The following APLP1 variants were observed in gnomAD, a reference collection of about 807,000 sequenced individuals.
APLP1 encodes the protein amyloid beta (A4) precursor-like protein 1.
In APLP1, 46 loss-of-function variants were observed where a neutral mutation model predicts 84.5. The ratio of observed to expected loss-of-function variants is 0.54; its 90% CI spans 0.43 to 0.70. The LOEUF (loss-of-function observed/expected upper bound fraction) is 0.70. Ranked by LOEUF, APLP1 falls within the 30% of genes least tolerant of loss-of-function variation. The pLI, the probability that APLP1 is intolerant of heterozygous loss-of-function variation, is 0.00. For missense variants in APLP1, 826 were observed against 900.2 expected (o/e 0.92, Z 1.05); for synonymous variants, 376 against 364.0 (o/e 1.03, Z -0.38).
rs776321236 is a variant in APLP1 at position 35,871,617 on chromosome 19, C to T, written c.543C>T (p.Cys181=). ...TRRHQEAQEA[C]SSQGLILHGS... is the part of the protein sequence containing the mutation. ...TGGGCCCACTCTTCCTACAGGCCTGCAGCTCCCAGGGCCTCATCCTGCACG... is the reference window on the plus strand; with the variant it reads ...TGGGCCCACTCTTCCTACAGGCCTGTAGCTCCCAGGGCCTCATCCTGCACG... Residue 181 remains cysteine (C), a synonymous_variant, in exon 5 of 17, where the codon TGC becomes TGT. Transcript: ENST00000221891. 11 of 1,613,882 alleles carry T rather than the reference C, an allele frequency of 6.8e-6. No individual in the cohort carries two copies. The East Asian group carries it at 2.0e-4, about 29-fold the overall frequency.
chr19:35,872,319 A>G (rs1974174497), intron 6 of APLP1, among the ~76,000 whole-genome samples, 164 bp from the exon 7 acceptor site: 1 of 152,076 alleles, frequency 6.6e-6, no homozygotes, highest in African/African-American at 2.4e-5. Context: ...CTTTGCAAGA[A>G]CAGGCCCAGT....
At chr19:35,871,114 G>A in intron 3 of APLP1, 86 bp downstream of exon 3, 1 of 1,510,426 alleles carries the variant, frequency 6.6e-7, no homozygotes, top group Non-Finnish European at 8.9e-7. Context: ...CTACATTAAG[G>A]GGCTGGGTGC....
At chr19:35,871,820 T>G in intron 5 of APLP1, 38 bp from the exon 6 acceptor site, 2 of 1,613,090 alleles carry the variant, frequency 1.2e-6, no homozygotes, top group South Asian at 2.2e-5. Flanking sequence ...AGCCCAGGCC[T>G]GGGTTCTTAC....
intron 2 of APLP1, 106 bp from the exon 3 acceptor site, chr19:35,870,790 A>C (rs1974122179): frequency 5.5e-6 from 8 of 1,443,682 alleles, no homozygotes; most frequent in Non-Finnish European, 7.4e-6. Flanking sequence ...GTCTCAAAGA[A>C]AGAAAGAAAG....
At chr19:35,869,905 G>A in intron 2 of APLP1, 95 bp downstream of exon 2, 1 of 1,467,368 alleles carries the variant, frequency 6.8e-7, no homozygotes, top group Admixed American at 2.4e-5. Flanking sequence ...AAGGCGTGGA[G>A]GCTGGGGGGC....
In APLP1 at chr19:35,871,663, T is replaced by G. The variant is rs754127661; in HGVS notation, c.589T>G (p.Cys197Gly). ...ILHGSGMLLP[C>G]GSDRFRGVEY... ...GCACGGCTCGGGCATGCTCTTACCC[T>G]GTGGCTCGGATCGGTTCCGTGGTGT... Residue 197 changes from cysteine to glycine, a missense_variant, in exon 5 of 17, where the codon TGT (cysteine) becomes GGT (glycine). By Grantham distance (159) the Cys-to-Gly change is radical (BLOSUM62 -3). Transcript: ENST00000221891. 1 of 1,614,054 alleles carries G rather than the reference T, an allele frequency of 6.2e-7. No homozygotes were observed.
chr19:35,878,132 A>G, intron 13 of APLP1, 24 bp downstream of exon 13: 1 of 1,609,408 alleles, frequency 6.2e-7, no homozygotes, highest in Non-Finnish European at 8.5e-7. Flanking sequence ...AGTTAACCCC[A>G]GCCTCCAAAT....
At chr19:35,878,506 A>G in intron 13 of APLP1, 78 bp from the exon 14 acceptor site, 1 of 1,458,452 alleles carries the variant, frequency 6.9e-7, no homozygotes, top group Non-Finnish European at 9.6e-7. Flanking sequence ...AGATCATGCC[A>G]CTGCACTCCA....
rs149580271 is a variant in APLP1 at position 35,870,299 on chromosome 19, G to A, written c.291+489G>A. On this transcript the variant is annotated intron_variant, in intron 2 of 16. Transcript: ENST00000221891. ...CTGACTGCGGGGAGGGGTGACCAGAGAGGTGGGCTTAGAGGGACCTTCAGA... is the reference window on the plus strand; with the variant it reads ...CTGACTGCGGGGAGGGGTGACCAGAAAGGTGGGCTTAGAGGGACCTTCAGA... The A allele has an allele frequency of 8.9e-4, 164 of 183,260 alleles. 1 individual carries two copies. In the East Asian group the frequency reaches 0.023, roughly 26 times the overall value. 11.4% of individuals were successfully genotyped at this position (183,260 alleles called of 1,614,324 possible).
chr19:35,871,081 G>A (rs1446512447), intron 3 of APLP1, 53 bp downstream of exon 3: 15 of 1,496,492 alleles, frequency 1.0e-5, no homozygotes, highest in Non-Finnish European at 1.2e-5. Flanking sequence ...TGAGGGGCAA[G>A]GTTCTGAGCC....
At position 35,871,613 on chromosome 19, in the gene APLP1, C is replaced by A; in HGVS notation, c.539C>A (p.Ala180Asp). Residue 180 changes from alanine (A) to aspartate (D), a missense_variant and splice_region_variant, in exon 5 of 17, where the codon GCC (alanine) becomes GAC (aspartate). Around this residue, in one of 3 missense-constraint regions of APLP1, gnomAD observed 383 missense variants for 378.3 expected, o/e 1.01. Transcript: ENST00000221891. ...STRRHQEAQE[A>D]CSSQGLILHG... is the part of the protein sequence containing the mutation. ...CATCTGGGCCCACTCTTCCTACAGGCCTGCAGCTCCCAGGGCCTCATCCTG... is the reference window on the plus strand; with the variant it reads ...CATCTGGGCCCACTCTTCCTACAGGACTGCAGCTCCCAGGGCCTCATCCTG... The A allele has an allele frequency of 6.2e-7, 1 of 1,613,904 alleles. No individual in the cohort carries two copies. The highest frequency in any genetic ancestry group is 8.5e-7 in the Non-Finnish European group (1 of 1,179,990).
rs1254696761 is a variant in APLP1, at chr19:35,870,916, T to A, written c.312T>A (p.Ile104=). 1 of 1,604,760 alleles carries A rather than the reference T, an allele frequency of 6.2e-7. No individual in the cohort carries two copies. The highest frequency in any genetic ancestry group is 1.3e-5 in the African/African-American group (1 of 74,874). Residue 104 remains isoleucine (I), a synonymous_variant, in exon 3 of 17, where the codon ATT becomes ATA. Coordinates refer to ENST00000221891, the MANE Select transcript of APLP1 (RefSeq NM_001024807.3). The part of the protein sequence containing the change: ...YCRQMYPELQ[I]ARVEQATQAI... ...CCCAGATGTACCCGGAGCTGCAGAT[T>A]GCACGTGTGGAGCAGGCTACGCAGG...
rs1345586525 is a variant in APLP1 at position 35,873,270 on chromosome 19, A to G, written c.982-369A>G. Reference sequence around the variant, plus strand: ...CTTTTTTTTTTTTTTTTTTTGAGACAGAGTTTCGCTCTGTTGCCCAGGCTA... The same window carrying G: ...CTTTTTTTTTTTTTTTTTTTGAGACGGAGTTTCGCTCTGTTGCCCAGGCTA... On this transcript the variant is annotated intron_variant, in intron 7 of 16. Transcript: ENST00000221891. 2.1e-5 allele frequency among the ~76,000 whole-genome samples: 3 copies of G among 141,246 alleles called. No individual in the cohort carries two copies. The East Asian group carries it at 6.2e-4, about 29-fold the overall frequency. The allele number at this position is 141,246 out of a possible 152,430, so 92.7% of individuals were successfully genotyped here.
In APLP1 at chr19:35,869,586, T is replaced by C. The variant is rs772628072; in HGVS notation, c.148-81T>C. ...GGGGAGGGGGCTGGTGCTGGGGGTC[T>C]CGGTCCTAGGGAGCAAAGAACCAGG... On this transcript the variant is annotated intron_variant, in intron 1 of 16. Transcript: ENST00000221891. The C allele has an allele frequency of 2.6e-6, 4 of 1,558,416 alleles. No individual in the cohort carries two copies. The African/African-American group carries it at 4.1e-5, about 16-fold the overall frequency.
chr19:35,876,557 A>G lies in APLP1; in HGVS notation c.1385A>G (p.Gln462Arg), dbSNP rs199987390. ...HLQVIEERVNQSLGLLDQNPH... is the reference protein window; with the variant it reads ...HLQVIEERVNRSLGLLDQNPH... ...CAAGTGATTGAGGAGAGGGTGAATCAGAGCCTGGGCCTGCTTGACCAGAAC... is the reference window on the plus strand; with the variant it reads ...CAAGTGATTGAGGAGAGGGTGAATCGGAGCCTGGGCCTGCTTGACCAGAAC... Residue 462 changes from glutamine to arginine, a missense_variant, in exon 11 of 17, where the codon CAG (glutamine) becomes CGG (arginine). By Grantham distance (43) the Gln-to-Arg change is conservative. Coordinates refer to ENST00000221891, the MANE Select transcript of APLP1 (RefSeq NM_001024807.3). The G allele has an allele frequency of 5.6e-6, 9 of 1,613,758 alleles. No individual in the cohort carries two copies. The highest frequency in any genetic ancestry group is 5.9e-6 in the Non-Finnish European group (7 of 1,179,862).
Position 35,871,885 on chromosome 19 carries a change from G to A in APLP1, c.699G>A (p.Pro233=), listed in dbSNP as rs188024320. 17 of 1,613,928 alleles carry A rather than the reference G, an allele frequency of 1.1e-5. No homozygotes were observed. The highest frequency in any genetic ancestry group is 1.0e-4 in the Admixed American group (6 of 59,984). Residue 233 remains proline, a synonymous_variant, in exon 6 of 17, where the codon CCG becomes CCA. Coordinates refer to ENST00000221891, the MANE Select transcript of APLP1 (RefSeq NM_001024807.3). Reference sequence around the variant, plus strand: ...ACCCCTCCACCCGGTCCTGGCCCCCGGGGAGCAGAGTAGAGGGGGCTGAGG... The same window carrying A: ...ACCCCTCCACCCGGTCCTGGCCCCCAGGGAGCAGAGTAGAGGGGGCTGAGG... ...VGDPSTRSWP[P]GSRVEGAEDE...
At chr19:35,870,737 T>C (rs780556486) in intron 2 of APLP1, 159 bp from the exon 3 acceptor site, 2 of 1,041,442 alleles carry the variant, frequency 1.9e-6, no homozygotes, top group Non-Finnish European at 2.7e-6. Context: ...TGAGCCGAGA[T>C]TGTACCATTC....
Position 35,871,269 on chromosome 19 carries a change from C to G in APLP1, c.457C>G (p.Pro153Ala), listed in dbSNP as rs1317412045. Residue 153 changes from proline to alanine, a missense_variant, in exon 4 of 17, where the codon CCT becomes GCT. This residue lies in a region of APLP1 where 383 missense variants were observed against 378.3 expected (regional missense o/e 1.01). Coordinates refer to ENST00000221891, the MANE Select transcript of APLP1 (RefSeq NM_001024807.3). ...ATTTGTGAGTGAGGCCCTGCTGGTG[C>G]CTGAAGGCTGCCGGTTCTTGCACCA... Reference protein sequence around the residue: ...GEFVSEALLVPEGCRFLHQER... With the variant: ...GEFVSEALLVAEGCRFLHQER... 33 of 1,613,650 alleles carry G rather than the reference C, an allele frequency of 2.0e-5. No homozygotes were observed. The highest frequency in any genetic ancestry group is 2.7e-5 in the Non-Finnish European group (32 of 1,179,848).
chr19:35,878,416 C>A, intron 13 of APLP1, 168 bp from the exon 14 acceptor site: 1 of 685,064 alleles, frequency 1.5e-6, no homozygotes, highest in South Asian at 1.8e-5. Context: ...TGTGGTGGGG[C>A]ATGTCTGTAG....
Sources: allele counts gnomAD v4.1 joint callset (sites outside exome capture counted in the v4.1 genomes callset), GRCh38; gene constraint gnomAD v4.1.1; regional missense constraint gnomAD v4.1.1; transcripts MANE v1.5; gene names NCBI Gene and HGNC (gene_info 2026-07-23, HGNC 2026-07-21).